The following STARD8 variants were observed in gnomAD, a reference collection of about 807,000 sequenced individuals.
STARD8 encodes the protein stAR-related lipid transfer protein 8.
In STARD8, 25 loss-of-function variants were observed where a neutral mutation model predicts 69.4. The observed-to-expected ratio is 0.36, with a 90% CI of 0.26 to 0.50. The LOEUF (loss-of-function observed/expected upper bound fraction) is 0.50. STARD8 is among the 20% of genes least tolerant of loss of function. STARD8 has a pLI of 0.96. For synonymous variants in STARD8, 389 were observed against 374.6 expected (o/e 1.04, Z -0.45); for missense variants, 921 against 932.5 (o/e 0.99, Z 0.16).
chrX:68,703,152 C>A (rs2079978779), intron 2 of STARD8, among the ~76,000 whole-genome samples: 1 of 111,673 alleles, frequency 9.0e-6, no homozygotes, highest in Non-Finnish European at 1.9e-5. Context: ...CCCAGCTACT[C>A]TGGAGGCTGA....
In STARD8 at chrX:68,725,088, G is replaced by T. The variant is rs2080188501; in HGVS notation, c.*666G>T. 1 of 111,281 alleles carries T rather than the reference G, an allele frequency of 9.0e-6. No homozygotes were observed. The highest frequency in any genetic ancestry group is 9.5e-5 in the Admixed American group (1 of 10,494). The allele number at this position is 111,281 out of a possible 1,213,427, so 9.2% of individuals were successfully genotyped here. A position where few individuals can be genotyped will look rare whatever the true frequency, so the allele number is the denominator to read the frequency against. ...CGATTTGGCATAGATAGGGATGTGA[G>T]AGTGGAGTACCTTCCTTTCTCAAGT... On this transcript the variant is annotated 3_prime_UTR_variant, in exon 15 of 15. Coordinates refer to ENST00000374599, the MANE Select transcript of STARD8 (RefSeq NM_001142503.3).
chrX:68,721,428 C>A (rs1204101720), intron 9 of STARD8, 108 bp from the exon 10 acceptor site: 1 of 856,607 alleles, frequency 1.2e-6, no homozygotes, highest in Non-Finnish European at 1.6e-6. Context: ...TTCCCTCTCA[C>A]CGCTCCCCTT....
At chrX:68,686,804 A>G (rs1309644162) in intron 2 of STARD8, among the ~76,000 whole-genome samples, 1 of 111,858 alleles carries the variant, frequency 8.9e-6, no homozygotes, top group African/African-American at 3.3e-5. Context: ...GCCCCGCCCT[A>G]TGGGTGCCCC....
At chrX:68,715,129 A>ACTTT (rs2080081368) in intron 3 of STARD8, among the ~76,000 whole-genome samples, 165 bp from the exon 4 acceptor site, 1 of 111,156 alleles carries the variant, frequency 9.0e-6, no homozygotes, top group Admixed American at 9.5e-5. Context: ...CCTTTCCCTG[A>ACTTT]ACTCCCTGGG....
At chrX:68,689,336 G>A (rs2079858676) in intron 2 of STARD8, among the ~76,000 whole-genome samples, 1 of 109,870 alleles carries the variant, frequency 9.1e-6, no homozygotes, top group African/African-American at 3.3e-5. Flanking sequence ...AAACCTCTGG[G>A]GACCCTTTGA....
Position 68,720,297 on chromosome X carries a change from C to T in STARD8, c.1923C>T (p.Thr641=). The T allele has an allele frequency of 8.3e-7, 1 of 1,205,686 alleles. No homozygotes were observed. Among genetic ancestry groups the T allele is most frequent in the Non-Finnish European group, 1.1e-6 (1 of 892,361 alleles). Residue 641 remains threonine, a synonymous_variant, in exon 8 of 15, where the codon ACC becomes ACT. Transcript: ENST00000374599. ...SMPKFMRRNK[T]PDYRGQHVFG... is the part of the protein sequence containing the mutation. ...CCAAGTTCATGAGGAGGAACAAGAC[C>T]CCAGATTACCGGGGACAGCACGTAT...
In STARD8 at chrX:68,719,535, G is replaced by A. The variant is rs745773724; in HGVS notation, c.1889+137G>A. ...GAGCGGTGAGATATGCCAGGAGGCT[G>A]GAGGGGCTTGGTGAGGCTGGGTATG... On this transcript the variant is annotated intron_variant, in intron 7 of 14. Transcript: ENST00000374599. The A allele has an allele frequency of 7.0e-6, 5 of 712,055 alleles. No individual in the cohort carries two copies. The Admixed American group carries it at 1.9e-4, about 27-fold the overall frequency. 58.7% of individuals were successfully genotyped at this position (712,055 alleles called of 1,213,427 possible). A position where few individuals can be genotyped will look rare whatever the true frequency, so the allele number is the denominator to read the frequency against.
chrX:68,680,629 G>A (rs1053790143), intron 2 of STARD8, among the ~76,000 whole-genome samples: 8 of 112,172 alleles, frequency 7.1e-5, no homozygotes, highest in Non-Finnish European at 1.9e-5. Context: ...TGCAAGGCAT[G>A]TGTTACTGTG....
intron 1 of STARD8, among the ~76,000 whole-genome samples, chrX:68,653,096 A>T (rs1252773699): frequency 2.7e-5 from 1 of 37,203 alleles, no homozygotes; most frequent in Non-Finnish European, 4.6e-5. Context: ...CACACACCAC[A>T]CACACCACAC....
At chrX:68,678,137 G>T (rs2079778294) in intron 2 of STARD8, among the ~76,000 whole-genome samples, 1 of 111,150 alleles carries the variant, frequency 9.0e-6, no homozygotes, top group Non-Finnish European at 1.9e-5. Flanking sequence ...AAGGGTTAAA[G>T]TCAAGGAAAC....
At chrX:68,684,481 C>G (rs2079818989) in intron 2 of STARD8, among the ~76,000 whole-genome samples, 1 of 112,995 alleles carries the variant, frequency 8.8e-6, no homozygotes, top group Admixed American at 9.3e-5. Context: ...ATGTCCCACA[C>G]TCCCGCCCAA....
At chrX:68,676,786 T>TTTTG (rs200222600) in intron 2 of STARD8, among the ~76,000 whole-genome samples, 7 of 111,617 alleles carry the variant, frequency 6.3e-5, no homozygotes, top group East Asian at 2.8e-4. Context: ...GGTTGTTGTT[T>TTTTG]TTTGTTTGTT....
chrX:68,692,276 C>T (rs184109998), intron 2 of STARD8, among the ~76,000 whole-genome samples: 12 of 112,120 alleles, frequency 1.1e-4, no homozygotes, highest in African/African-American at 3.9e-4. Context: ...AGGGGCAGTC[C>T]TGCCATCAAG....
intron 2 of STARD8, among the ~76,000 whole-genome samples, chrX:68,686,364 C>T (rs2079832215): frequency 1.8e-5 from 2 of 112,779 alleles, no homozygotes; most frequent in South Asian, 7.2e-4. Context: ...CAAAACTACC[C>T]GAGGCGCCAG....
intron 2 of STARD8, among the ~76,000 whole-genome samples, chrX:68,668,258 CTTTCTTTCTTTCTTTCTCTTTCTT>C (rs1205000860): frequency 1.2e-5 from 1 of 82,588 alleles, no homozygotes; most frequent in African/African-American, 5.5e-5. Context: ...TTCTTTCTTT[CTTTCTTTCTTTCTTTCTCTTTCTT>C]TCTTTCTTTC....
chrX:68,652,758 T>C (rs1485728719), intron 1 of STARD8, among the ~76,000 whole-genome samples: 233 of 12,563 alleles, frequency 0.019, no homozygotes, highest in Admixed American at 0.025. Flanking sequence ...TACACCACAC[T>C]CCCCCACACA....
intron 2 of STARD8, 93 bp downstream of exon 2, chrX:68,665,625 C>T: frequency 2.1e-6 from 2 of 967,019 alleles, no homozygotes; most frequent in Non-Finnish European, 2.9e-6. Context: ...CCCTGGGCAG[C>T]AGAGCCAACG....
chrX:68,723,085 G>C (rs2080165812), intron 12 of STARD8, among the ~76,000 whole-genome samples: 1 of 112,579 alleles, frequency 8.9e-6, no homozygotes, highest in East Asian at 2.8e-4. Context: ...CATGCCCCAG[G>C]ATGGAGGGGA....
rs57567266 is a variant in STARD8 at position 68,661,947 on chromosome X, TC to T, written c.46-3551del. ...CTTCCTTCCCTCCCTCCCTCCTTCCTCTCTCTCTCTCTCTCTCTCTCTCTCT... is the reference window on the plus strand; with the variant it reads ...CTTCCTTCCCTCCCTCCCTCCTTCCTTCTCTCTCTCTCTCTCTCTCTCTCT... On this transcript the variant is annotated intron_variant, in intron 1 of 14. Coordinates refer to ENST00000374599, the MANE Select transcript of STARD8 (RefSeq NM_001142503.3). Among the ~76,000 whole-genome samples, 189 of 63,305 alleles carry T rather than the reference TC, an allele frequency of 3.0e-3. 2 individuals carry two copies. The highest frequency in any genetic ancestry group is 0.016 in the African/African-American group (179 of 11,219). The allele number at this position is 63,305 out of a possible 115,157, so 55.0% of individuals were successfully genotyped here. A position where few individuals can be genotyped will look rare whatever the true frequency, so the allele number is the denominator to read the frequency against.
Sources: allele counts gnomAD v4.1 joint callset (sites outside exome capture counted in the v4.1 genomes callset), GRCh38; gene constraint gnomAD v4.1.1; transcripts MANE v1.5; gene names NCBI Gene and HGNC (gene_info 2026-07-23, HGNC 2026-07-21).